The following SYNPO variants were observed in gnomAD, a reference collection of about 807,000 sequenced individuals.
SYNPO encodes the protein synaptopodin.
SYNPO carries 19 observed loss-of-function variants against 49.5 expected under a neutral mutation model. That is an observed-to-expected ratio of 0.38 (90% CI 0.27 to 0.56). SYNPO has a LOEUF of 0.56. Among genes scored for constraint, SYNPO ranks in the 20% least tolerant of loss-of-function variants. SYNPO has a pLI of 0.68. For synonymous variants in SYNPO, 536 were observed against 548.0 expected (o/e 0.98, Z 0.31); for missense variants, 1,131 against 1,248.3 (o/e 0.91, Z 1.42).
intron 2 of SYNPO, chr5:150,650,765 C>T (rs1758348561): frequency 1.6e-6 from 2 of 1,282,042 alleles, no homozygotes; most frequent in Admixed American, 3.9e-5. Flanking sequence ...CGAGGGTCTG[C>T]CTCCTCAGCT....
chr5:150,635,219 G>A lies in SYNPO; in HGVS notation c.401-12725G>A, dbSNP rs572518764. 3.6e-3 allele frequency among the ~76,000 whole-genome samples: 551 copies of A among 152,360 alleles called. 5 individuals carry two copies. Among genetic ancestry groups the A allele is most frequent in the Non-Finnish European group, 4.8e-3 (329 of 68,034 alleles). The stretch of plus-strand genomic sequence containing the variant: ...TCAGTGTGCACATATTTATGTGTAC[G>A]TCCTGCCCCCTCTGTGGGTGTGCAT... On this transcript the variant is annotated intron_variant, in intron 2 of 2. Transcript: ENST00000394243.
intron 2 of SYNPO, among the ~76,000 whole-genome samples, chr5:150,622,286 G>A (rs1757204590): frequency 1.3e-5 from 2 of 152,202 alleles, no homozygotes; most frequent in Non-Finnish European, 2.9e-5. Flanking sequence ...TTGAACCCCA[G>A]GAGGTCTGGG....
At chr5:150,595,666 G>A in the SYNPO span, among the ~76,000 whole-genome samples, 574 of 152,314 alleles carry the variant, frequency 3.8e-3, no homozygotes, top group African/African-American at 0.013. Flanking sequence ...AATTTTCTCC[G>A]CTGCAGACAC....
the SYNPO span, among the ~76,000 whole-genome samples, chr5:150,590,975 C>A: frequency 1.3e-5 from 2 of 152,162 alleles, no homozygotes; most frequent in African/African-American, 2.4e-5. Context: ...TTTCTGCCCC[C>A]CTCCCAGCCC....
chr5:150,650,587 A>C, intron 2 of SYNPO: 1 of 1,452,502 alleles, frequency 6.9e-7, no homozygotes, highest in South Asian at 1.5e-5. Context: ...ATGGAGAGAG[A>C]ACTGTCTGGC....
In SYNPO at chr5:150,642,139, T is replaced by C. The variant is rs534765628; in HGVS notation, c.-333+1285T>C. 2.0e-5 allele frequency among the ~76,000 whole-genome samples: 3 copies of C among 152,370 alleles called. No individual in the cohort carries two copies. The East Asian group carries it at 5.8e-4, about 29-fold the overall frequency. On this transcript the variant is annotated intron_variant, in intron 1 of 2. Coordinates refer to ENST00000307662, the MANE Select transcript of SYNPO (RefSeq NM_007286.6). ...ACTGAACAAGGTGGTGAGCATAAAG[T>C]GCACAGCACTGAGCCTGGGCTGCAG...
chr5:150,618,782 C>G, intron 2 of SYNPO: 1 of 1,550,964 alleles, frequency 6.4e-7, no homozygotes, highest in Non-Finnish European at 8.7e-7. Context: ...GCTTGTGTTC[C>G]TTTTCCCTTG....
In SYNPO at chr5:150,656,751, G is replaced by GCCCCCGCCCCCA; in HGVS notation, c.2387_2388insACCCCCGCCCCC (p.Pro797_Pro800dup). The GCCCCCGCCCCCA allele has an allele frequency of 4.1e-5, 18 of 441,486 alleles. No homozygotes were observed. The highest frequency in any genetic ancestry group is 4.8e-5 in the Non-Finnish European group (17 of 356,322). The allele number at this position is 441,486 out of a possible 1,614,324, so 27.3% of individuals were successfully genotyped here. A position where few individuals can be genotyped will look rare whatever the true frequency, so the allele number is the denominator to read the frequency against. On this transcript the variant is annotated inframe_insertion, in exon 3 of 3. Transcript: ENST00000307662. ...CCCCGCCGAGGGCGCCACCGCCCCC[G>GCCCCCGCCCCCA]CCCCCGCCCCCGCCCCCGCCCCCGC...
At chr5:150,634,327 T>G (rs1757637944) in intron 2 of SYNPO, among the ~76,000 whole-genome samples, 1 of 152,176 alleles carries the variant, frequency 6.6e-6, no homozygotes, top group Admixed American at 6.5e-5. Context: ...GCAGACCAGG[T>G]TGAGGCTAAA....
intron 1 of SYNPO, among the ~76,000 whole-genome samples, chr5:150,602,950 C>G (rs1199887068): frequency 1.3e-5 from 2 of 150,040 alleles, no homozygotes; most frequent in African/African-American, 2.5e-5. Context: ...TAGCAACCGC[C>G]CTGTAATTCT....
chr5:150,605,619 G>C (rs1444475386), intron 1 of SYNPO, among the ~76,000 whole-genome samples: 1 of 152,074 alleles, frequency 6.6e-6, no homozygotes. Flanking sequence ...GGAAAGGAGA[G>C]GAAGAAAGCA....
rs1224343266 is a variant in SYNPO, at chr5:150,650,115, C to T, written c.1840C>T (p.Pro614Ser). The T allele has an allele frequency of 6.2e-7, 1 of 1,613,382 alleles. No individual in the cohort carries two copies. Residue 614 changes from proline to serine, a missense_variant, in exon 2 of 3, where the codon CCT becomes TCT. Transcript: ENST00000307662. Reference protein sequence around the residue: ...KGALPPSPALPRPSRSSPGLY... With the variant: ...KGALPPSPALSRPSRSSPGLY... Reference sequence around the variant, plus strand: ...GGCTCTCCCTCCATCTCCTGCCCTGCCTCGGCCCTCGCGCTCCTCACCGGG... The same window carrying T: ...GGCTCTCCCTCCATCTCCTGCCCTGTCTCGGCCCTCGCGCTCCTCACCGGG...
At chr5:150,589,188 A>G in the SYNPO span, among the ~76,000 whole-genome samples, 1 of 151,646 alleles carries the variant, frequency 6.6e-6, no homozygotes, top group South Asian at 2.1e-4. Context: ...CAGCCTCCCG[A>G]GTAGCTGGGA....
rs1418275938 is a variant in SYNPO, at chr5:150,650,976, CTGCTGTCTG to C, written c.2028+674_2028+682del. 4 of 1,250,990 alleles carry C rather than the reference CTGCTGTCTG, an allele frequency of 3.2e-6. No homozygotes were observed. The East Asian group carries it at 1.3e-4, about 39-fold the overall frequency. The allele number at this position is 1,250,990 out of a possible 1,614,324, so 77.5% of individuals were successfully genotyped here. On this transcript the variant is annotated intron_variant, in intron 2 of 2. Transcript: ENST00000307662. ...TGCTGGCTGCGGACTCGGCCCACCACTGCTGTCTGACGCTTTTCTTCCTGCCCCCTCTGA... is the reference window on the plus strand; with the variant it reads ...TGCTGGCTGCGGACTCGGCCCACCACACGCTTTTCTTCCTGCCCCCTCTGA...
chr5:150,591,958 G>C, the SYNPO span, among the ~76,000 whole-genome samples: 1 of 152,178 alleles, frequency 6.6e-6, no homozygotes, highest in South Asian at 2.1e-4. Context: ...CTGAGGTCAG[G>C]AGTTCGAGAC....
intron 2 of SYNPO, among the ~76,000 whole-genome samples, chr5:150,654,897 G>A (rs1006449761): frequency 1.3e-5 from 2 of 152,106 alleles, no homozygotes; most frequent in African/African-American, 4.8e-5. Flanking sequence ...AGGCTGAGGC[G>A]GGCGGATCAC....
chr5:150,618,408 G>A, exon 2 of SYNPO: 1 of 1,551,508 alleles, frequency 6.4e-7, no homozygotes, highest in Non-Finnish European at 8.7e-7. Flanking sequence ...CTTGCACCCA[G>A]CGAAGGGAGG....
At chr5:150,597,412 A>T (rs958187308), upstream of SYNPO, among the ~76,000 whole-genome samples, 2 of 151,938 alleles carry the variant, frequency 1.3e-5, no homozygotes, top group African/African-American at 4.8e-5. Context: ...GCTCACCGCA[A>T]CCTCTGCCTC....
intron 1 of SYNPO, among the ~76,000 whole-genome samples, chr5:150,604,822 T>A (rs1453468567): frequency 6.6e-6 from 1 of 152,158 alleles, no homozygotes; most frequent in African/African-American, 2.4e-5. Context: ...CTCTGCTGGC[T>A]TAAGGAGGGG....
Sources: allele counts gnomAD v4.1 joint callset (sites outside exome capture counted in the v4.1 genomes callset), GRCh38; gene constraint gnomAD v4.1.1; transcripts MANE v1.5; gene names NCBI Gene and HGNC (gene_info 2026-07-23, HGNC 2026-07-21).